PRUNE2: variants seen among roughly 807,000 people sequenced by gnomAD.
The protein encoded by PRUNE2 is protein prune homolog 2.
A neutral mutation model predicts 252.0 loss-of-function variants in PRUNE2; 164 were observed. The ratio of observed to expected loss-of-function variants is 0.65; its 90% CI spans 0.57 to 0.74. PRUNE2 has a LOEUF of 0.74. Ranked by LOEUF, PRUNE2 falls within the 30% of genes least tolerant of loss-of-function variation. The pLI is 0.00. For synonymous variants in PRUNE2, 1,292 were observed against 1,350.2 expected (o/e 0.96, Z 0.94); for missense variants, 3,495 against 3,711.0 (o/e 0.94, Z 1.51).
At position 76,840,263 on chromosome 9, in the gene PRUNE2, A is replaced by T. The variant is rs17063051; in HGVS notation, c.508+6252T>A. On this transcript the variant is annotated intron_variant, in intron 4 of 18. Transcript: ENST00000376718. ...AGGAAGAGTAGGCCCAACTTTTTGC[A>T]TATCAAGGAACACATTGAAAGTGAC... Among the ~76,000 whole-genome samples the T allele has an allele frequency of 5.1e-3, 775 of 152,316 alleles. 3 individuals carry two copies. Among genetic ancestry groups the T allele is most frequent in the African/African-American group, 0.017 (719 of 41,570 alleles).
chr9:76,842,622 TA>T (rs1283226753), intron 4 of PRUNE2, among the ~76,000 whole-genome samples: 1 of 151,998 alleles, frequency 6.6e-6, no homozygotes, highest in Non-Finnish European at 1.5e-5. Flanking sequence ...ACAAGGAACT[TA>T]AACAAATTTA....
intron 6 of PRUNE2, among the ~76,000 whole-genome samples, chr9:76,810,142 T>C (rs1252421553): frequency 6.6e-6 from 1 of 152,240 alleles, no homozygotes; most frequent in Non-Finnish European, 1.5e-5. Flanking sequence ...GATTACATCA[T>C]GGTATCATGA....
At chr9:76,785,977 C>G (rs1421670742) in intron 6 of PRUNE2, 1 of 152,184 alleles carries the variant, frequency 6.6e-6, no homozygotes, top group Non-Finnish European at 1.5e-5. Flanking sequence ...AAATCTAACT[C>G]CTACCATCAG....
At position 76,846,611 on chromosome 9, in the gene PRUNE2, C is replaced by T. The variant is rs764047586; in HGVS notation, c.412G>A (p.Val138Ile). 8 of 1,614,026 alleles carry T rather than the reference C, an allele frequency of 5.0e-6. No individual in the cohort carries two copies. In the South Asian group the frequency reaches 6.6e-5, roughly 13 times the overall value. Residue 138 changes from valine (V) to isoleucine (I), a missense_variant, in exon 4 of 19, where the codon GTT (valine) becomes ATT (isoleucine). Coordinates refer to ENST00000376718, the MANE Select transcript of PRUNE2 (RefSeq NM_015225.3). ...GAAGAGGAAGACTCTCGGAACTCAACGTTGGCATCGCTCTGCTCAACCGGA... is the reference window on the plus strand; with the variant it reads ...GAAGAGGAAGACTCTCGGAACTCAATGTTGGCATCGCTCTGCTCAACCGGA... The part of the protein sequence containing the change: ...INPVEQSDAN[V>I]EFRESSSSLV...
chr9:76,665,559 C>T (rs2039982449), intron 9 of PRUNE2, among the ~76,000 whole-genome samples: 1 of 152,174 alleles, frequency 6.6e-6, no homozygotes, highest in South Asian at 2.1e-4. Context: ...GCCACCCTCT[C>T]CACACACACA....
intron 4 of PRUNE2, among the ~76,000 whole-genome samples, chr9:76,842,962 A>G (rs1048303023): frequency 2.6e-5 from 4 of 152,212 alleles, no homozygotes; most frequent in Non-Finnish European, 5.9e-5. Context: ...TTGATCCAGC[A>G]ATCCCATTAC....
chr9:76,745,547 C>T (rs182784868), intron 6 of PRUNE2, among the ~76,000 whole-genome samples: 40 of 152,262 alleles, frequency 2.6e-4, no homozygotes, highest in Middle Eastern at 3.4e-3. Context: ...TGTTTGATGT[C>T]CCACACCTCT....
intron 6 of PRUNE2, among the ~76,000 whole-genome samples, chr9:76,715,253 T>A (rs491798): frequency 0.49 from 74,830 of 152,060 alleles, 20,275 homozygotes; most frequent in Middle Eastern, 0.69. Context: ...ATTTGTGGCT[T>A]AGACTATTTA....
At chr9:76,661,551 A>T (rs1474034075) in intron 9 of PRUNE2, among the ~76,000 whole-genome samples, 4 of 152,230 alleles carry the variant, frequency 2.6e-5, no homozygotes, top group African/African-American at 9.6e-5. Context: ...CCAGCATTAC[A>T]GTATTAATGC....
chr9:76,768,623 G>GTATA (rs749606024), intron 6 of PRUNE2, among the ~76,000 whole-genome samples: 2 of 130,152 alleles, frequency 1.5e-5, no homozygotes, highest in African/African-American at 5.6e-5. Flanking sequence ...GTGTGTGTGT[G>GTATA]TATATCCCTG....
chr9:76,760,685 C>T (rs2051624102), intron 6 of PRUNE2, among the ~76,000 whole-genome samples: 1 of 152,198 alleles, frequency 6.6e-6, no homozygotes. Context: ...CCTCTCCACC[C>T]TCATCTTCTA....
At chr9:76,894,400 T>A (rs775041860) in intron 1 of PRUNE2, among the ~76,000 whole-genome samples, 3 of 152,188 alleles carry the variant, frequency 2.0e-5, no homozygotes, top group Non-Finnish European at 4.4e-5. Context: ...GATTTGCCCC[T>A]TCTTGCCTCC....
chr9:76,643,367 G>A (rs1257565929), intron 12 of PRUNE2, among the ~76,000 whole-genome samples: 2 of 152,132 alleles, frequency 1.3e-5, no homozygotes, highest in Non-Finnish European at 2.9e-5. Flanking sequence ...ACTCTTACAG[G>A]CAGCCTTTGT....
At position 76,709,479 on chromosome 9, in the gene PRUNE2, T is replaced by A; in HGVS notation, c.2795A>T (p.Asp932Val). Residue 932 changes from aspartate to valine, a missense_variant, in exon 8 of 19, where the codon GAT (aspartate) becomes GTT (valine). Transcript: ENST00000376718. ...GGAATCTTCCCAAGGAACTAGGACATCTGACCCTCCTTTCTTCATATTCTC... is the reference window on the plus strand; with the variant it reads ...GGAATCTTCCCAAGGAACTAGGACAACTGACCCTCCTTTCTTCATATTCTC... ...FEENMKKGGS[D>V]VLVPWEDSFL... 6.2e-7 allele frequency: 1 copy of A among 1,614,022 alleles called. No individual in the cohort carries two copies. Among genetic ancestry groups the A allele is most frequent in the Non-Finnish European group, 8.5e-7 (1 of 1,179,880 alleles).
At chr9:76,661,458 G>A (rs1278869993) in intron 9 of PRUNE2, among the ~76,000 whole-genome samples, 1 of 152,126 alleles carries the variant, frequency 6.6e-6, no homozygotes, top group Non-Finnish European at 1.5e-5. Flanking sequence ...GGCCAGCCTG[G>A]TCTCAAACTC....
intron 9 of PRUNE2, among the ~76,000 whole-genome samples, chr9:76,696,830 C>A (rs902936695): frequency 1.3e-5 from 2 of 152,214 alleles, no homozygotes; most frequent in African/African-American, 4.8e-5. Flanking sequence ...CTATGCCTTT[C>A]AGGGTGGCCT....
At position 76,706,506 on chromosome 9, in the gene PRUNE2, C is replaced by T. The variant is rs1316889138; in HGVS notation, c.5768G>A (p.Ser1923Asn). Residue 1923 changes from serine (S) to asparagine (N), a missense_variant, in exon 8 of 19, where the codon AGC becomes AAC. Ser to Asn is a conservative substitution (Grantham distance 46, BLOSUM62 1). Transcript: ENST00000376718. ...AATTTGGTCTAATTTTACAAGCTGG[C>T]TGAACTTGTCAGCATCTGGGTCTGG... ...RQPDPDADKF[S>N]QLVKLDQIKE... is the part of the protein sequence containing the mutation. 1 of 1,613,992 alleles carries T rather than the reference C, an allele frequency of 6.2e-7. No homozygotes were observed. The highest frequency in any genetic ancestry group is 1.1e-5 in the South Asian group (1 of 91,078).
chr9:76,834,806 C>A (rs2058863675), intron 4 of PRUNE2, among the ~76,000 whole-genome samples: 1 of 152,174 alleles, frequency 6.6e-6, no homozygotes, highest in Non-Finnish European at 1.5e-5. Flanking sequence ...ATCCCAGGAA[C>A]TCATCTTTGG....
intron 6 of PRUNE2, among the ~76,000 whole-genome samples, chr9:76,717,405 G>A (rs1299341177): frequency 6.6e-6 from 1 of 152,130 alleles, no homozygotes; most frequent in Non-Finnish European, 1.5e-5. Flanking sequence ...TTATGTTGCT[G>A]ACAAGCTAGG....
Sources: gnomAD v4.1 joint callset for allele counts (sites outside exome capture counted in the v4.1 genomes callset) on GRCh38, gnomAD v4.1.1 for gene constraint, MANE v1.5 for transcripts, NCBI Gene and HGNC (gene_info 2026-07-23, HGNC 2026-07-21) for gene names.